DST: variants seen among roughly 807,000 people sequenced by gnomAD.
DST encodes the protein dystonin.
In DST, 253 loss-of-function variants were observed where a neutral mutation model predicts 875.2. The observed-to-expected ratio is 0.29, with a 90% CI of 0.26 to 0.32. The LOEUF (loss-of-function observed/expected upper bound fraction) is 0.32, where lower values mean the gene tolerates loss of function less well. Among genes scored for constraint, DST ranks in the 10% least tolerant of loss-of-function variants. The probability of loss-of-function intolerance (pLI) is 1.00; values close to 1 mark genes in which losing one functional copy is unlikely to be tolerated. For synonymous variants in DST, 3,124 were observed against 3,197.1 expected, an observed-to-expected ratio of 0.98 and a Z score of 0.77; for missense variants, 8,287 against 9,111.6, an observed-to-expected ratio of 0.91 and a Z score of 3.68.
intron 31 of DST, among the ~76,000 whole-genome samples, chr6:56,629,814 A>G (rs1391413545): frequency 4.6e-5 from 7 of 152,214 alleles, no homozygotes. Context: ...TCACTGAGAT[A>G]ACTTTTAAAA....
At position 56,738,060 on chromosome 6, in the gene DST, A is replaced by G. The variant is rs548877069; in HGVS notation, c.626-2771T>C. ...TTTAATGCCAATAAGAATGGGGGGG[A>G]GGAACATATAACGTACTTTTTATTT... On this transcript the variant is annotated intron_variant, in intron 4 of 103. Coordinates refer to ENST00000680361, the MANE Select transcript of DST (RefSeq NM_001374736.1). Among the ~76,000 whole-genome samples, 6 of 152,124 alleles carry G rather than the reference A, an allele frequency of 3.9e-5. No homozygotes were observed. The East Asian group carries it at 1.2e-3, about 29-fold the overall frequency.
At chr6:56,579,501 T>G (rs566139656) in intron 49 of DST, among the ~76,000 whole-genome samples, 2 of 152,206 alleles carry the variant, frequency 1.3e-5, no homozygotes, top group African/African-American at 4.8e-5. Flanking sequence ...GATTTTATGG[T>G]TCGAGGCAGG....
At chr6:56,469,210 T>G (rs1197599327) in intron 97 of DST, among the ~76,000 whole-genome samples, 3 of 152,146 alleles carry the variant, frequency 2.0e-5, no homozygotes, top group African/African-American at 7.2e-5. Context: ...GATTTCAAAT[T>G]TAAGTTAAAA....
chr6:56,921,642 G>A (rs1804268316), intron 2 of DST, among the ~76,000 whole-genome samples: 1 of 152,080 alleles, frequency 6.6e-6, no homozygotes, highest in Non-Finnish European at 1.5e-5. Context: ...TTTTTCTCAT[G>A]TTGAAATCTG....
At chr6:56,643,920 C>T (rs1348113731) in intron 15 of DST, among the ~76,000 whole-genome samples, 1 of 152,194 alleles carries the variant, frequency 6.6e-6, no homozygotes, top group African/African-American at 2.4e-5. Context: ...ATTTTAGATA[C>T]ATAACTCATC....
In DST at chr6:56,608,477, A is replaced by C; in HGVS notation, c.6151T>G (p.Cys2051Gly). ...KRLTVDEAVQCDLITSSSALL... is the reference protein window; with the variant it reads ...KRLTVDEAVQGDLITSSSALL... ...GCACTGCTGGAAGTTATTAAATCAC[A>C]CTGTACTGCTTCGTCTACAGTTAAA... The change falls in exon 40 of 104, where the codon TGT becomes GGT. Residue 2051 changes from cysteine to glycine, a missense_variant. By Grantham distance (159) the Cys-to-Gly change is radical. Transcript: ENST00000680361. 6.2e-7 allele frequency: 1 copy of C among 1,613,686 alleles called. No homozygotes were observed. The highest frequency in any genetic ancestry group is 8.5e-7 in the Non-Finnish European group (1 of 1,179,774).
chr6:56,776,500 AG>A (rs1318507731), intron 4 of DST, among the ~76,000 whole-genome samples: 1 of 152,222 alleles, frequency 6.6e-6, no homozygotes, highest in Non-Finnish European at 1.5e-5. Flanking sequence ...CAACAGGGGA[AG>A]TTGGACACAG....
chr6:56,616,143 T>C (rs1408907976), intron 36 of DST: 2 of 1,614,176 alleles, frequency 1.2e-6, no homozygotes, highest in African/African-American at 2.7e-5. Flanking sequence ...TGCAAATCTT[T>C]CTTGGGGACT....
At chr6:56,881,730 A>C (rs955399156) in intron 3 of DST, among the ~76,000 whole-genome samples, 1 of 152,204 alleles carries the variant, frequency 6.6e-6, no homozygotes, top group African/African-American at 2.4e-5. Flanking sequence ...AGTACAACTC[A>C]AAAGATCAAC....
chr6:56,572,871 G>C lies in DST; in HGVS notation c.13430C>G (p.Thr4477Ser). 6.2e-7 allele frequency: 1 copy of C among 1,613,392 alleles called. No individual in the cohort carries two copies. Among genetic ancestry groups the C allele is most frequent in the Non-Finnish European group, 8.5e-7 (1 of 1,179,698 alleles). Residue 4477 changes from threonine (T) to serine (S), a missense_variant, in exon 52 of 104, where the codon ACC becomes AGC. By Grantham distance (58) the Thr-to-Ser change is moderately conservative. This residue lies in a region of DST where 1,513 missense variants were observed against 1,677.8 expected (regional missense o/e 0.90). Transcript: ENST00000680361. Reference sequence around the variant, plus strand: ...GAGGTTCTCAAACAGTTCTACTTTGGTTTTTAGCTCCTCCATTTTGGCAAG... The same window carrying C: ...GAGGTTCTCAAACAGTTCTACTTTGCTTTTTAGCTCCTCCATTTTGGCAAG... Reference protein sequence around the residue: ...ETLAKMEELKTKVELFENLSE... With the variant: ...ETLAKMEELKSKVELFENLSE...
At chr6:56,778,978 G>A (rs1239696227) in intron 4 of DST, among the ~76,000 whole-genome samples, 3 of 152,066 alleles carry the variant, frequency 2.0e-5, no homozygotes, top group Non-Finnish European at 4.4e-5. Flanking sequence ...CACAATGGTT[G>A]AATGAGTTTA....
chr6:56,893,910 TG>T (rs1405457429), intron 3 of DST, among the ~76,000 whole-genome samples: 1 of 21,486 alleles, frequency 4.7e-5, no homozygotes, highest in Non-Finnish European at 8.5e-5. Flanking sequence ...AGCACAGGGT[TG>T]GGGATAAGGT....
At chr6:56,492,573 T>A in intron 84 of DST, 140 bp from the exon 85 acceptor site, 1 of 897,236 alleles carries the variant, frequency 1.1e-6, no homozygotes, top group Non-Finnish European at 1.7e-6. Flanking sequence ...CTTTTGACTT[T>A]AAAAAGGCCT....
rs1373852236 is a variant in DST at position 56,824,993 on chromosome 6, A to T, written c.625+26404T>A. Among the ~76,000 whole-genome samples the T allele has an allele frequency of 3.9e-5, 6 of 152,294 alleles. No homozygotes were observed. In the East Asian group the frequency reaches 9.7e-4, roughly 25 times the overall value. On this transcript the variant is annotated intron_variant, in intron 4 of 103. Transcript: ENST00000680361. Reference sequence around the variant, plus strand: ...CTGCCCGGCCACCACCTGGTCTGGGAGGTGTACCCAACAGCTCATTGAGAA... The same window carrying T: ...CTGCCCGGCCACCACCTGGTCTGGGTGGTGTACCCAACAGCTCATTGAGAA...
At chr6:56,488,893 T>C (rs765191701) in intron 86 of DST, among the ~76,000 whole-genome samples, 2 of 152,174 alleles carry the variant, frequency 1.3e-5, no homozygotes, top group Non-Finnish European at 2.9e-5. Context: ...TAAAATATGA[T>C]AGGCATAGAA....
intron 2 of DST, among the ~76,000 whole-genome samples, chr6:56,944,773 C>T (rs1000378655): frequency 2.0e-5 from 3 of 152,194 alleles, no homozygotes; most frequent in Non-Finnish European, 4.4e-5. Context: ...TTGCCTACCT[C>T]TACTACAGAC....
At chr6:56,703,586 T>A (rs2099319925) in intron 7 of DST, 62 bp downstream of exon 7, 1 of 629,280 alleles carries the variant, frequency 1.6e-6, no homozygotes, top group African/African-American at 2.0e-5. Context: ...TACTTCTCTA[T>A]CAGGTTAGCG....
At chr6:56,722,295 G>C (rs2099420360) in intron 5 of DST, among the ~76,000 whole-genome samples, 2 of 152,204 alleles carry the variant, frequency 1.3e-5, no homozygotes, top group African/African-American at 4.8e-5. Flanking sequence ...GGCAAATTAA[G>C]AGTGGGAATG....
chr6:56,545,163 T>C (rs2097202391), intron 61 of DST, among the ~76,000 whole-genome samples: 1 of 151,824 alleles, frequency 6.6e-6, no homozygotes, highest in African/African-American at 2.4e-5. Context: ...CCACTACACC[T>C]GGCTAATTTT....
Sources: allele counts gnomAD v4.1 joint callset (sites outside exome capture counted in the v4.1 genomes callset), GRCh38; gene constraint gnomAD v4.1.1; regional missense constraint gnomAD v4.1.1; transcripts MANE v1.5; gene names NCBI Gene and HGNC (gene_info 2026-07-23, HGNC 2026-07-21).